SUZ12: variants seen among roughly 807,000 people sequenced by gnomAD.
SUZ12 encodes the protein SUZ12 polycomb repressive complex 2 subunit, also known as polycomb protein SUZ12.
In SUZ12, 17 loss-of-function variants were observed where a neutral mutation model predicts 87.3. The ratio of observed to expected loss-of-function variants is 0.19; its 90% confidence interval spans 0.13 to 0.29. SUZ12 has a LOEUF of 0.29. SUZ12 is among the 10% of genes least tolerant of loss of function. The pLI is 1.00. For missense variants in SUZ12, 526 were observed against 912.2 expected (o/e 0.58, Z 5.45); for synonymous variants, 253 against 312.4 (o/e 0.81, Z 2.01).
chr17:31,957,396 T>C, intron 4 of SUZ12, among the ~76,000 whole-genome samples: 1 of 151,792 alleles, frequency 6.6e-6, no homozygotes. Flanking sequence ...TGCACCACCA[T>C]ACCCGGATAA....
chr17:31,955,709 T>C (rs9901217), intron 4 of SUZ12, among the ~76,000 whole-genome samples: 1 of 151,626 alleles, frequency 6.6e-6, no homozygotes, highest in East Asian at 2.0e-4. Flanking sequence ...GATCGCGCCA[T>C]TGCACTCCAG....
At chr17:31,963,565 T>A (rs1240031655) in intron 4 of SUZ12, among the ~76,000 whole-genome samples, 1 of 152,010 alleles carries the variant, frequency 6.6e-6, no homozygotes, top group African/African-American at 2.4e-5. Flanking sequence ...TGGTGCGATC[T>A]TGGTCACTGC....
In SUZ12 at chr17:31,986,291, C is replaced by T. The variant is rs1909417334; in HGVS notation, c.1024-2029C>T. 2.0e-5 allele frequency among the ~76,000 whole-genome samples: 3 copies of T among 152,254 alleles called. No individual in the cohort carries two copies. The South Asian group carries it at 6.2e-4, about 32-fold the overall frequency. ...AAATGGGCATCCTTTTAAGTCAGAGCATATAGATTTACTTCTTTTTAAAAG... is the reference window on the plus strand; with the variant it reads ...AAATGGGCATCCTTTTAAGTCAGAGTATATAGATTTACTTCTTTTTAAAAG... On this transcript the variant is annotated intron_variant, in intron 9 of 15. Coordinates refer to ENST00000322652, the MANE Select transcript of SUZ12 (RefSeq NM_015355.4).
intron 3 of SUZ12, among the ~76,000 whole-genome samples, chr17:31,943,429 A>C (rs1474398136): frequency 6.6e-6 from 1 of 152,214 alleles, no homozygotes; most frequent in Admixed American, 6.5e-5. Flanking sequence ...ACAACAATAT[A>C]AGATAGAACA....
intron 10 of SUZ12, 22 bp downstream of exon 10, chr17:31,988,519 A>T: frequency 6.4e-7 from 1 of 1,573,714 alleles, no homozygotes; most frequent in Non-Finnish European, 8.6e-7. Flanking sequence ...TTGCAATCAA[A>T]ATAATAAAAT....
At position 31,986,620 on chromosome 17, in the gene SUZ12, C is replaced by T. The variant is rs372141286; in HGVS notation, c.1024-1700C>T. 4.6e-3 allele frequency among the ~76,000 whole-genome samples: 703 copies of T among 152,160 alleles called. 7 individuals are homozygous for T. Among genetic ancestry groups the T allele is most frequent in the African/African-American group, 0.016 (652 of 41,504 alleles). On this transcript the variant is annotated intron_variant, in intron 9 of 15. Coordinates refer to ENST00000322652, the MANE Select transcript of SUZ12 (RefSeq NM_015355.4). The stretch of plus-strand genomic sequence containing the variant: ...AGGCTGGAGTGCAATGGTGCAATTT[C>T]GGCTCACTGCAACCTCTGCCTTTCG...
In SUZ12 at chr17:31,979,089, C is replaced by G. The variant is rs543437712; in HGVS notation, c.917+2475C>G. 1.1e-4 allele frequency among the ~76,000 whole-genome samples: 13 copies of G among 116,644 alleles called. No homozygotes were observed. The South Asian group carries it at 3.6e-3, about 33-fold the overall frequency. The allele number at this position is 116,644 out of a possible 152,430, so 76.5% of individuals were successfully genotyped here. On this transcript the variant is annotated intron_variant, in intron 8 of 15. Transcript: ENST00000322652. ...CCGCTGCACTCCAGCCTGGTGACAG[C>G]GAGACTGTGTCTCCAAAAAAAAAAA...
intron 6 of SUZ12, among the ~76,000 whole-genome samples, chr17:31,973,903 G>A (rs1908585667): frequency 6.6e-6 from 1 of 152,102 alleles, no homozygotes; most frequent in South Asian, 2.1e-4. Context: ...AAGGCACCAT[G>A]GAGGCAGCAG....
At chr17:31,946,078 G>A (rs896270614) in intron 3 of SUZ12, among the ~76,000 whole-genome samples, 28 of 152,200 alleles carry the variant, frequency 1.8e-4, no homozygotes, top group African/African-American at 6.3e-4. Context: ...AACTCTAAAG[G>A]TAAAGAGAGA....
chr17:31,993,609 C>T (rs1037417662), intron 11 of SUZ12, among the ~76,000 whole-genome samples: 107 of 152,024 alleles, frequency 7.0e-4, no homozygotes, highest in African/African-American at 2.5e-3. Flanking sequence ...TTTGTGGAGA[C>T]GAGGTTTTAC....
intron 4 of SUZ12, among the ~76,000 whole-genome samples, chr17:31,963,546 G>A (rs1467292992): frequency 6.6e-6 from 1 of 151,948 alleles, no homozygotes; most frequent in Non-Finnish European, 1.5e-5. Flanking sequence ...CGCCCATGCT[G>A]GAGTGCAGTG....
At chr17:31,973,539 T>G (rs1256770468) in intron 6 of SUZ12, among the ~76,000 whole-genome samples, 1 of 152,230 alleles carries the variant, frequency 6.6e-6, no homozygotes, top group African/African-American at 2.4e-5. Flanking sequence ...GCGTATTTCT[T>G]AGCTGTTTGT....
chr17:31,950,152 A>T (rs1347977720), intron 4 of SUZ12, among the ~76,000 whole-genome samples: 1 of 149,192 alleles, frequency 6.7e-6, no homozygotes, highest in Non-Finnish European at 1.5e-5. Context: ...ACACCGAACT[A>T]ATTTTTTCTT....
At chr17:31,978,602 G>C (rs970901524) in intron 8 of SUZ12, among the ~76,000 whole-genome samples, 2 of 152,184 alleles carry the variant, frequency 1.3e-5, no homozygotes, top group African/African-American at 4.8e-5. Context: ...GGTCATGTCT[G>C]TGGGGGAAAC....
intron 4 of SUZ12, among the ~76,000 whole-genome samples, chr17:31,955,622 C>T (rs1907270642): frequency 6.6e-6 from 1 of 151,938 alleles, no homozygotes; most frequent in Non-Finnish European, 1.5e-5. Context: ...GTGTCGTGCA[C>T]CTGTAATCCC....
At chr17:31,960,577 AT>A (rs1439140297) in intron 4 of SUZ12, among the ~76,000 whole-genome samples, 1 of 121,030 alleles carries the variant, frequency 8.3e-6, no homozygotes, top group Non-Finnish European at 2.0e-5. Context: ...TGTCACCTTT[AT>A]TTATTATTTA....
intron 11 of SUZ12, among the ~76,000 whole-genome samples, chr17:31,993,534 C>T (rs1598189375): frequency 6.6e-6 from 1 of 152,216 alleles, no homozygotes; most frequent in African/African-American, 2.4e-5. Context: ...CTGATTCTCA[C>T]GCCTCAGCCT....
intron 8 of SUZ12, among the ~76,000 whole-genome samples, chr17:31,977,182 G>T (rs540017524): frequency 1.1e-4 from 16 of 152,148 alleles, no homozygotes; most frequent in African/African-American, 3.9e-4. Flanking sequence ...AGGCTAAGGT[G>T]GGAGGATTGT....
chr17:31,961,111 C>G (rs961616425), intron 4 of SUZ12, among the ~76,000 whole-genome samples: 37 of 151,934 alleles, frequency 2.4e-4, no homozygotes, highest in South Asian at 2.1e-4. Context: ...ATTCAGGAGG[C>G]TGAGGCAGGA....
Sources: gnomAD v4.1 joint callset for allele counts (sites outside exome capture counted in the v4.1 genomes callset) on GRCh38, gnomAD v4.1.1 for gene constraint, MANE v1.5 for transcripts, NCBI Gene and HGNC (gene_info 2026-07-23, HGNC 2026-07-21) for gene names.